The following NCBP2 variants were observed in gnomAD, a reference collection of about 807,000 sequenced individuals.
NCBP2 encodes nuclear cap-binding protein subunit 2.
A neutral mutation model predicts 21.5 loss-of-function variants in NCBP2; 8 were observed. The ratio of observed to expected loss-of-function variants is 0.37; its 90% CI spans 0.22 to 0.67. The LOEUF (loss-of-function observed/expected upper bound fraction) is 0.67, where lower values mean the gene tolerates loss of function less well. Ranked by LOEUF, NCBP2 falls within the 30% of genes least tolerant of loss-of-function variation. The probability of loss-of-function intolerance (pLI) is 0.56; values close to 1 mark genes in which losing one functional copy is unlikely to be tolerated. For synonymous variants in NCBP2, 92 were observed against 75.8 expected (o/e 1.21, Z -1.11); for missense variants, 127 against 206.9 (o/e 0.61, Z 2.37).
intron 2 of NCBP2, chr3:196,938,050 GGAAA>G: frequency 6.2e-6 from 1 of 162,434 alleles, no homozygotes; most frequent in Middle Eastern, 3.2e-3. Context: ...CTTCACTAAA[GGAAA>G]GACTCAAGCT....
In NCBP2 at chr3:196,937,641, A is replaced by C; in HGVS notation, c.268T>G (p.Ser90Ala). 1 of 1,614,112 alleles carries C rather than the reference A, an allele frequency of 6.2e-7. No homozygotes were observed. The highest frequency in any genetic ancestry group is 8.5e-7 in the Non-Finnish European group (1 of 1,180,042). The change falls in exon 3 of 4, where the codon TCA becomes GCA. Residue 90 changes from serine to alanine, a missense_variant. Transcript: ENST00000321256. Reference sequence around the variant, plus strand: ...ATGGCGTTTTCCGCATCTGCGCGTGAGTAATATCTTAAGTATTAAGGAACA... The same window carrying C: ...ATGGCGTTTTCCGCATCTGCGCGTGCGTAATATCTTAAGTATTAAGGAACA... Reference protein sequence around the residue: ...ACGFCFVEYYSRADAENAMRY... With the variant: ...ACGFCFVEYYARADAENAMRY...
At chr3:196,939,006 ATTT>A (rs57844817) in intron 2 of NCBP2, 3,940 of 314,802 alleles carry the variant, frequency 0.013, no homozygotes, top group East Asian at 0.055. Flanking sequence ...ATTCTTTGGA[ATTT>A]TTTTTTTTTT....
In NCBP2 at chr3:196,936,968, A is replaced by G; in HGVS notation, c.*43T>C. 4 of 1,591,426 alleles carry G rather than the reference A, an allele frequency of 2.5e-6. No individual in the cohort carries two copies. The highest frequency in any genetic ancestry group is 3.5e-6 in the Non-Finnish European group (4 of 1,159,274). On this transcript the variant is annotated 3_prime_UTR_variant, in exon 4 of 4. Coordinates refer to ENST00000321256, the MANE Select transcript of NCBP2 (RefSeq NM_007362.5). ...TTAGGTGATGTTCTTCAGCAAATTC[A>G]ACAGGCCAAAGGAGTGTTTGTCACT...
At position 196,937,757 on chromosome 3, in the gene NCBP2, T is replaced by C. The variant is rs945145830; in HGVS notation, c.261-109A>G. The C allele has an allele frequency of 8.7e-6, 12 of 1,384,250 alleles. No individual in the cohort carries two copies. The African/African-American group carries it at 1.3e-4, about 15-fold the overall frequency. The allele number at this position is 1,384,250 out of a possible 1,614,324, so 85.7% of individuals were successfully genotyped here. On this transcript the variant is annotated intron_variant, in intron 2 of 3. Coordinates refer to ENST00000321256, the MANE Select transcript of NCBP2 (RefSeq NM_007362.5). ...AAGTACAAGAGCTAATCCAACCAGA[T>C]GGAGTTCAAAGACAGTAATTCAGCT...
intron 1 of NCBP2, 74 bp downstream of exon 1, chr3:196,942,352 A>G (rs558445172): frequency 6.4e-7 from 1 of 1,562,704 alleles, no homozygotes. Context: ...GAGGCGACAC[A>G]ATGAGACAAG....
At chr3:196,941,803 C>G in intron 1 of NCBP2, 5 of 1,138,682 alleles carry the variant, frequency 4.4e-6, no homozygotes, top group Non-Finnish European at 6.2e-6. Flanking sequence ...AAATTTCCCT[C>G]TTCTGAAATC....
chr3:196,941,939 T>C (rs2108884489), intron 1 of NCBP2: 1 of 1,536,256 alleles, frequency 6.5e-7, no homozygotes, highest in South Asian at 1.2e-5. Flanking sequence ...ACGCACCGCG[T>C]ACAGCTTCCG....
chr3:196,942,373 T>C, intron 1 of NCBP2, 53 bp downstream of exon 1: 1 of 1,588,710 alleles, frequency 6.3e-7, no homozygotes, highest in Non-Finnish European at 8.6e-7. Flanking sequence ...AGCAAACCGT[T>C]TCTCAGCGTT....
chr3:196,942,493 C>G lies in NCBP2; in HGVS notation c.11G>C (p.Gly4Ala). The G allele has an allele frequency of 1.2e-5, 19 of 1,613,110 alleles. No individual in the cohort carries two copies. Among genetic ancestry groups the G allele is most frequent in the Non-Finnish European group, 1.5e-5 (18 of 1,179,868 alleles). The change falls in exon 1 of 4, where the codon GGC (glycine) becomes GCC (alanine). Residue 4 changes from glycine (G) to alanine (A), a missense_variant. Gly to Ala is a moderately conservative substitution (Grantham distance 60). Transcript: ENST00000321256. ...GTCGCTGCGCAGCGCCTTCAGGAGG[C>G]CACCCGACATAGTGCAGAGAAGCGG... MSG[G>A]LLKALRSDSY...
At position 196,937,097 on chromosome 3, in the gene NCBP2, A is replaced by ATG; in HGVS notation, c.400-16_400-15insCA. ...TCATCCCGAACCTTTAATGGAAAGA[A>ATG]TCCAGAGTTACAGTATGGAAAAGAA... On this transcript the variant is annotated splice_polypyrimidine_tract_variant and intron_variant, in intron 3 of 3. Coordinates refer to ENST00000321256, the MANE Select transcript of NCBP2 (RefSeq NM_007362.5). 1 of 1,613,338 alleles carries ATG rather than the reference A, an allele frequency of 6.2e-7. No homozygotes were observed.
chr3:196,941,752 C>T (rs1330895738), intron 1 of NCBP2: 6 of 670,062 alleles, frequency 9.0e-6, no homozygotes, highest in Admixed American at 6.0e-5. Context: ...CTGCTGCCTC[C>T]CCTTTTTCCA....
chr3:196,941,403 T>C (rs183837367), intron 1 of NCBP2: 5 of 155,656 alleles, frequency 3.2e-5, no homozygotes, highest in Admixed American at 1.9e-4. Flanking sequence ...ACTAAATAAA[T>C]CTAAGAGCTT....
chr3:196,939,338 T>C lies in NCBP2; in HGVS notation c.173A>G (p.Glu58Gly). ...TATGTCACCACTTTTGCTGAAGAGT[T>C]CATAGATTTGTTCTTCAGTTGTGTA... ...SFYTTEEQIY[E>G]LFSKSGDIKK... Residue 58 changes from glutamate to glycine, a missense_variant, in exon 2 of 4, where the codon GAA becomes GGA. Coordinates refer to ENST00000321256, the MANE Select transcript of NCBP2 (RefSeq NM_007362.5). 6.2e-7 allele frequency: 1 copy of C among 1,612,810 alleles called. No homozygotes were observed. Among genetic ancestry groups the C allele is most frequent in the East Asian group, 2.2e-5 (1 of 44,884 alleles).
intron 1 of NCBP2, among the ~76,000 whole-genome samples, chr3:196,940,425 CG>C (rs1189719459): frequency 1.3e-5 from 2 of 151,070 alleles, no homozygotes; most frequent in Non-Finnish European, 2.9e-5. Context: ...AAGAGGTTTT[CG>C]GAACTTTGGA....
At chr3:196,937,484 T>TG (rs1716318670) in intron 3 of NCBP2, 26 bp downstream of exon 3, 1 of 1,612,110 alleles carries the variant, frequency 6.2e-7, no homozygotes, top group African/African-American at 1.3e-5. Flanking sequence ...AGGCAATGGC[T>TG]GAGCCCAGAG....
At chr3:196,937,767 A>G in intron 2 of NCBP2, 119 bp from the exon 3 acceptor site, 1 of 1,294,206 alleles carries the variant, frequency 7.7e-7, no homozygotes, top group Non-Finnish European at 1.1e-6. Context: ...TGGAGTTCAA[A>G]GACAGTAATT....
intron 2 of NCBP2, 104 bp from the exon 3 acceptor site, chr3:196,937,752 C>T (rs1290076203): frequency 9.3e-6 from 13 of 1,403,104 alleles, no homozygotes; most frequent in Non-Finnish European, 2.0e-6. Flanking sequence ...GCTAATCCAA[C>T]CAGATGGAGT....
At chr3:196,937,278 T>C (rs550048118) in intron 3 of NCBP2, 196 bp from the exon 4 acceptor site, 1 of 762,190 alleles carries the variant, frequency 1.3e-6, no homozygotes, top group Non-Finnish European at 2.1e-6. Flanking sequence ...GGAAGATACC[T>C]AGCCCTAGCA....
rs751844753 is a variant in NCBP2, at chr3:196,937,660, AG to A, written c.261-13del. 2 of 1,612,842 alleles carry A rather than the reference AG, an allele frequency of 1.2e-6. No homozygotes were observed. The highest frequency in any genetic ancestry group is 1.1e-5 in the South Asian group (1 of 91,024). ...CGCGTGAGTAATATCTTAAGTATTA[AG>A]GAACACTAGCATTTTTCCAAACATT... On this transcript the variant is annotated splice_polypyrimidine_tract_variant and intron_variant, in intron 2 of 3. Transcript: ENST00000321256.
Sources: gnomAD v4.1 joint callset for allele counts (sites outside exome capture counted in the v4.1 genomes callset) on GRCh38, gnomAD v4.1.1 for gene constraint, MANE v1.5 for transcripts, NCBI Gene and HGNC (gene_info 2026-07-23, HGNC 2026-07-21) for gene names.